NAB1: variants seen among roughly 807,000 people sequenced by gnomAD.
NAB1 encodes the protein NGFI-A-binding protein 1.
NAB1 carries 25 observed loss-of-function variants against 49.9 expected under a neutral mutation model. The observed-to-expected ratio is 0.50, with a 90% confidence interval of 0.37 to 0.70. NAB1 has a LOEUF of 0.70. Among genes scored for constraint, NAB1 ranks in the 30% least tolerant of loss-of-function variants. The pLI is 0.00. For synonymous variants in NAB1, 198 were observed against 215.6 expected (o/e 0.92, Z 0.71); for missense variants, 489 against 575.9 (o/e 0.85, Z 1.54).
chr2:190,659,262 C>G lies in NAB1; in HGVS notation c.86C>G (p.Ala29Gly), dbSNP rs369230098. The G allele has an allele frequency of 4.3e-5, 70 of 1,613,704 alleles. No homozygotes were observed. The South Asian group carries it at 5.1e-4, about 12-fold the overall frequency. ...QKANLLSYFD[A>G]FIQQGGDDVQ... ...GCCAATCTACTTTCTTATTTTGATG[C>G]CTTTATCCAACAAGGTGGTGATGAT... The change falls in exon 4 of 10, where the codon GCC (alanine) becomes GGC (glycine). Residue 29 changes from alanine to glycine, a missense_variant. Transcript: ENST00000337386. This position sits in a 1 kb window ranked among gnomAD's most constrained non-coding sequence, Gnocchi z 6.2.
intron 4 of NAB1, among the ~76,000 whole-genome samples, chr2:190,668,867 G>C (rs1694658511): frequency 6.6e-6 from 1 of 152,048 alleles, no homozygotes; most frequent in Non-Finnish European, 1.5e-5. Flanking sequence ...TATATATACT[G>C]TTCGTCCCTA....
Position 190,651,632 on chromosome 2 carries a change from T to G in NAB1, c.-197+1650T>G, listed in dbSNP as rs1182742978. On this transcript the variant is annotated intron_variant, in intron 2 of 9. Transcript: ENST00000337386. This position sits in a 1 kb window ranked among gnomAD's most constrained non-coding sequence, Gnocchi z 4.3. ...CCTGGGGCCAAGGGATTATCCCACCTTAGCCTCCGAAGTTATGTCAGGTTT... is the reference window on the plus strand; with the variant it reads ...CCTGGGGCCAAGGGATTATCCCACCGTAGCCTCCGAAGTTATGTCAGGTTT... Among the ~76,000 whole-genome samples, 1 of 152,222 alleles carries G rather than the reference T, an allele frequency of 6.6e-6. No homozygotes were observed.
rs904111446 is a variant in NAB1, at chr2:190,680,268, A to G, written c.1006-3470A>G. On this transcript the variant is annotated intron_variant, in intron 6 of 9. Transcript: ENST00000337386. This position sits in a 1 kb window ranked among gnomAD's most constrained non-coding sequence, Gnocchi z 5.2. Reference sequence around the variant, plus strand: ...ATTTAAGATAAGATCTAAAATTCTTAACATAGCTTACAAGGGCTTACAGAA... The same window carrying G: ...ATTTAAGATAAGATCTAAAATTCTTGACATAGCTTACAAGGGCTTACAGAA... 2.0e-5 allele frequency among the ~76,000 whole-genome samples: 3 copies of G among 152,208 alleles called. No homozygotes were observed. Among genetic ancestry groups the G allele is most frequent in the Non-Finnish European group, 2.9e-5 (2 of 68,024 alleles).
Position 190,685,127 on chromosome 2 carries a change from T to C in NAB1, c.1096-349T>C, listed in dbSNP as rs1422024100. On this transcript the variant is annotated intron_variant, in intron 7 of 9. Coordinates refer to ENST00000337386, the MANE Select transcript of NAB1 (RefSeq NM_005966.4). The surrounding 1 kb of genome is among the most constrained non-coding windows in gnomAD (Gnocchi z 4.5). ...TTCGCCCCAAGTGTTAGAAGTAGTT[T>C]ATAGCAGATGTTGCTGTTGCTTTTA... is the stretch of plus-strand genomic sequence containing the variant. Among the ~76,000 whole-genome samples, 1 of 152,214 alleles carries C rather than the reference T, an allele frequency of 6.6e-6. No homozygotes were observed. Among genetic ancestry groups the C allele is most frequent in the Non-Finnish European group, 1.5e-5 (1 of 68,034 alleles).
intron 4 of NAB1, among the ~76,000 whole-genome samples, chr2:190,668,544 G>T (rs961857963): frequency 6.6e-6 from 1 of 151,840 alleles, no homozygotes; most frequent in Non-Finnish European, 1.5e-5. Context: ...TTAATACATC[G>T]GTAGAAATGA....
rs1315195108 is a variant in NAB1, at chr2:190,674,630, A to G, written c.1005+1478A>G. On this transcript the variant is annotated intron_variant, in intron 6 of 9. Coordinates refer to ENST00000337386, the MANE Select transcript of NAB1 (RefSeq NM_005966.4). This position sits in a 1 kb window ranked among gnomAD's most constrained non-coding sequence, Gnocchi z 5.7. ...CAGCCTTGCACCTAATAGGCACTTAATAAAATCTATAGAATGAAATAATGA... is the reference window on the plus strand; with the variant it reads ...CAGCCTTGCACCTAATAGGCACTTAGTAAAATCTATAGAATGAAATAATGA... 6.6e-6 allele frequency among the ~76,000 whole-genome samples: 1 copy of G among 152,260 alleles called. No individual in the cohort carries two copies. The highest frequency in any genetic ancestry group is 1.5e-5 in the Non-Finnish European group (1 of 68,042).
Position 190,651,864 on chromosome 2 carries a change from G to A in NAB1, c.-197+1882G>A, listed in dbSNP as rs1693685175. Among the ~76,000 whole-genome samples the A allele has an allele frequency of 3.9e-5, 6 of 152,198 alleles. No homozygotes were observed. The highest frequency in any genetic ancestry group is 3.9e-4 in the Admixed American group (6 of 15,276). ...GCTAATGTATAATCAACCCGTCTATGCATATTTCATTGTGGAATTTGCTAA... is the reference window on the plus strand; with the variant it reads ...GCTAATGTATAATCAACCCGTCTATACATATTTCATTGTGGAATTTGCTAA... On this transcript the variant is annotated intron_variant, in intron 2 of 9. Transcript: ENST00000337386. The surrounding 1 kb of genome is among the most constrained non-coding windows in gnomAD (Gnocchi z 4.3).
chr2:190,659,237 G>T lies in NAB1; in HGVS notation c.61G>T (p.Ala21Ser). Residue 21 changes from alanine to serine, a missense_variant, in exon 4 of 10, where the codon GCC becomes TCC. By Grantham distance (99) the Ala-to-Ser change is moderately conservative (BLOSUM62 1). Transcript: ENST00000337386. This position sits in a 1 kb window ranked among gnomAD's most constrained non-coding sequence, Gnocchi z 6.2. Reference protein sequence around the residue: ...ELQLYRILQKANLLSYFDAFI... With the variant: ...ELQLYRILQKSNLLSYFDAFI... ...GCAGCTGTATAGAATATTACAAAAAGCCAATCTACTTTCTTATTTTGATGC... is the reference window on the plus strand; with the variant it reads ...GCAGCTGTATAGAATATTACAAAAATCCAATCTACTTTCTTATTTTGATGC... 2.5e-6 allele frequency: 4 copies of T among 1,612,996 alleles called. No homozygotes were observed. Among genetic ancestry groups the T allele is most frequent in the Non-Finnish European group, 3.4e-6 (4 of 1,179,898 alleles).
At chr2:190,671,961 A>G (rs898939466) in intron 5 of NAB1, among the ~76,000 whole-genome samples, 5 of 151,598 alleles carry the variant, frequency 3.3e-5, no homozygotes, top group Admixed American at 3.3e-4. Context: ...TTTTTAGTAG[A>G]GACGAGGTTT....
Position 190,679,692 on chromosome 2 carries a change from T to C in NAB1, c.1006-4046T>C, listed in dbSNP as rs1434518792. The stretch of plus-strand genomic sequence containing the variant: ...TAAAAATTTGGATCACTGGAAATAA[T>C]GAGGTTTACTTTTTTGCCTGAGATC... On this transcript the variant is annotated intron_variant, in intron 6 of 9. Transcript: ENST00000337386. The surrounding 1 kb of genome is among the most constrained non-coding windows in gnomAD (Gnocchi z 5.3). 6.6e-6 allele frequency among the ~76,000 whole-genome samples: 1 copy of C among 152,150 alleles called. No individual in the cohort carries two copies. Among genetic ancestry groups the C allele is most frequent in the Non-Finnish European group, 1.5e-5 (1 of 68,020 alleles).
At chr2:190,649,076 T>G (rs867421521), upstream of NAB1, 1 of 131,548 alleles carries the variant, frequency 7.6e-6, no homozygotes, top group African/African-American at 2.8e-5. This position sits in a 1 kb window ranked among gnomAD's most constrained non-coding sequence, Gnocchi z 6.1. Context: ...GGGGAGGCGC[T>G]GCCGCCGCCG....
At chr2:190,664,559 T>TTCC (rs1467810159) in intron 4 of NAB1, among the ~76,000 whole-genome samples, 1 of 143,796 alleles carries the variant, frequency 7.0e-6, no homozygotes, top group Non-Finnish European at 1.5e-5. Flanking sequence ...CCTTCCTTCC[T>TTCC]TTCTTCCTCT....
chr2:190,673,876 T>C (rs1368035030), intron 6 of NAB1, among the ~76,000 whole-genome samples: 2 of 152,234 alleles, frequency 1.3e-5, no homozygotes, highest in Non-Finnish European at 2.9e-5. Context: ...TTCTTACAAA[T>C]ACTTTTTAAA....
intron 2 of NAB1, among the ~76,000 whole-genome samples, chr2:190,655,262 C>T (rs924171232): frequency 6.6e-6 from 1 of 152,164 alleles, no homozygotes; most frequent in African/African-American, 2.4e-5. Flanking sequence ...GCATCTTTTT[C>T]ACTCAGCAGT....
rs1049811569 is a variant in NAB1, at chr2:190,669,147, T to C, written c.820-1179T>C. On this transcript the variant is annotated intron_variant, in intron 4 of 9. Coordinates refer to ENST00000337386, the MANE Select transcript of NAB1 (RefSeq NM_005966.4). The surrounding 1 kb of genome is among the most constrained non-coding windows in gnomAD (Gnocchi z 4.3). ...GTAGATACACTGGACAAAGGGATGATTCATCACTTGGATGAGACAGAGTGA... is the reference window on the plus strand; with the variant it reads ...GTAGATACACTGGACAAAGGGATGACTCATCACTTGGATGAGACAGAGTGA... Among the ~76,000 whole-genome samples, 1 of 152,194 alleles carries C rather than the reference T, an allele frequency of 6.6e-6. No individual in the cohort carries two copies. Among genetic ancestry groups the C allele is most frequent in the African/African-American group, 2.4e-5 (1 of 41,442 alleles).
At chr2:190,672,747 G>A (rs1694878058) in intron 5 of NAB1, among the ~76,000 whole-genome samples, 1 of 151,958 alleles carries the variant, frequency 6.6e-6, no homozygotes, top group Non-Finnish European at 1.5e-5. Flanking sequence ...AGGCTGAGGT[G>A]GGAGGATCAC....
At chr2:190,660,354 G>C (rs183580814) in intron 4 of NAB1, among the ~76,000 whole-genome samples, 1 of 152,166 alleles carries the variant, frequency 6.6e-6, no homozygotes, top group Admixed American at 6.5e-5. Context: ...AAACATTTTT[G>C]TAGGCTTTTT....
intron 9 of NAB1, 23 bp downstream of exon 9, chr2:190,687,340 G>A (rs377191015): frequency 1.7e-6 from 2 of 1,202,522 alleles, no homozygotes; most frequent in East Asian, 5.3e-5. Context: ...TATATGATGA[G>A]AGGGTAACAC....
rs568541614 is a variant in NAB1, at chr2:190,657,151, A to G, written c.-20+998A>G. ...TCCAACACTTTATAGCAGCCCTTCT[A>G]TTTGGTATAGTGTAGTTTAATATAG... On this transcript the variant is annotated intron_variant, in intron 3 of 9. Transcript: ENST00000337386. The surrounding 1 kb of genome is among the most constrained non-coding windows in gnomAD (Gnocchi z 4.4). Among the ~76,000 whole-genome samples the G allele has an allele frequency of 2.0e-5, 3 of 152,196 alleles. No individual in the cohort carries two copies. The highest frequency in any genetic ancestry group is 4.2e-4 in the South Asian group (2 of 4,814).
Sources: allele counts gnomAD v4.1 joint callset (sites outside exome capture counted in the v4.1 genomes callset), GRCh38; gene constraint gnomAD v4.1.1; non-coding constraint Gnocchi (gnomAD v3.1); transcripts MANE v1.5; gene names NCBI Gene and HGNC (gene_info 2026-07-23, HGNC 2026-07-21).